Variants in ACYP2 observed in about 807,000 individuals in gnomAD.
ACYP2 encodes acylphosphatase-2.
A neutral mutation model predicts 11.2 loss-of-function variants in ACYP2; 12 were observed. The ratio of observed to expected loss-of-function variants is 1.08; its 90% CI spans 0.69 to 1.74. The LOEUF (loss-of-function observed/expected upper bound fraction) is 1.74. Ranked by LOEUF, ACYP2 falls within the 40% of genes most tolerant of loss-of-function variation. The pLI, the probability that ACYP2 is intolerant of heterozygous loss-of-function variation, is 0.00. For missense variants in ACYP2, 134 were observed against 101.9 expected (o/e 1.31, Z -1.35); for synonymous variants, 43 against 32.2 (o/e 1.33, Z -1.13).
At chr2:54,162,594 G>A (rs891906115) in intron 6 of ACYP2, among the ~76,000 whole-genome samples, 1 of 151,980 alleles carries the variant, frequency 6.6e-6, no homozygotes, top group Non-Finnish European at 1.5e-5. Flanking sequence ...CCTGGGGATG[G>A]GGCCCAACAA....
intron 4 of ACYP2, among the ~76,000 whole-genome samples, chr2:54,131,570 T>C (rs1325572849): frequency 6.6e-6 from 1 of 152,134 alleles, no homozygotes; most frequent in Non-Finnish European, 1.5e-5. Flanking sequence ...TGCCTTTTTA[T>C]CATGCATGGT....
chr2:54,233,440 G>T (rs1305085911), intron 6 of ACYP2, among the ~76,000 whole-genome samples: 1 of 151,786 alleles, frequency 6.6e-6, no homozygotes, highest in Non-Finnish European at 1.5e-5. Flanking sequence ...GGGACTACAG[G>T]CATGAGCCAC....
At chr2:54,114,845 C>A (rs1679661430) in intron 4 of ACYP2, among the ~76,000 whole-genome samples, 2 of 152,216 alleles carry the variant, frequency 1.3e-5, no homozygotes, top group Non-Finnish European at 2.9e-5. Flanking sequence ...AATACGAGTT[C>A]AGGCTCAATT....
chr2:54,268,758 G>A (rs144950068), intron 6 of ACYP2, among the ~76,000 whole-genome samples: 9 of 152,148 alleles, frequency 5.9e-5, no homozygotes, highest in African/African-American at 2.2e-4. Context: ...GCAGTGAGCC[G>A]TGTTGGCAGC....
chr2:54,157,427 G>C (rs1682482121), intron 6 of ACYP2, among the ~76,000 whole-genome samples: 2 of 152,078 alleles, frequency 1.3e-5, no homozygotes, highest in African/African-American at 4.8e-5. Context: ...CAGATTTATA[G>C]ACAAATTATA....
rs1675095209 is a variant in ACYP2, at chr2:54,039,300, T to C, written c.63-11658T>C. 2.0e-5 allele frequency among the ~76,000 whole-genome samples: 3 copies of C among 151,790 alleles called. No homozygotes were observed. The South Asian group carries it at 6.3e-4, about 32-fold the overall frequency. ...TTCTCTTTTTTTCTTTTTCCTTTTT[T>C]TTGGCGGGGGGGGACAGGGTCCCAC... is the stretch of plus-strand genomic sequence containing the variant. On this transcript the variant is annotated intron_variant, in intron 2 of 6. Transcript: ENST00000607452.
At chr2:54,265,566 T>A (rs1687979305) in intron 6 of ACYP2, among the ~76,000 whole-genome samples, 1 of 152,202 alleles carries the variant, frequency 6.6e-6, no homozygotes, top group South Asian at 2.1e-4. Context: ...AGGGGAAGAA[T>A]GCAGGGTGTG....
At chr2:54,173,401 C>G (rs1436594503) in intron 6 of ACYP2, among the ~76,000 whole-genome samples, 2 of 151,910 alleles carry the variant, frequency 1.3e-5, no homozygotes, top group African/African-American at 4.8e-5. Flanking sequence ...TTGTTTTTTT[C>G]TTGTAAATTT....
intron 6 of ACYP2, among the ~76,000 whole-genome samples, chr2:54,189,329 C>A (rs901549100): frequency 6.6e-6 from 1 of 152,072 alleles, no homozygotes; most frequent in Non-Finnish European, 1.5e-5. Flanking sequence ...TGTTTCCTCC[C>A]CCTCACCCTC....
intron 6 of ACYP2, among the ~76,000 whole-genome samples, chr2:54,273,601 A>T (rs1017771219): frequency 6.6e-6 from 1 of 152,104 alleles, no homozygotes; most frequent in Non-Finnish European, 1.5e-5. Context: ...ATTAGCTAAG[A>T]TTACAGGTGC....
Position 54,051,345 on chromosome 2 carries a change from A to C in ACYP2, c.155+295A>C, listed in dbSNP as rs1675855552. On this transcript the variant is annotated intron_variant, in intron 3 of 6. Transcript: ENST00000607452. Reference sequence around the variant, plus strand: ...TTCTCAGAGTTTTTAAGAAGTGCTCAGAGAGGTGGAAGACCATGTCTGCTA... The same window carrying C: ...TTCTCAGAGTTTTTAAGAAGTGCTCCGAGAGGTGGAAGACCATGTCTGCTA... 3 of 762,992 alleles carry C rather than the reference A, an allele frequency of 3.9e-6. No homozygotes were observed. In the East Asian group the frequency reaches 7.3e-5, roughly 19 times the overall value. 47.3% of individuals were successfully genotyped at this position (762,992 alleles called of 1,614,324 possible).
chr2:54,202,835 C>A (rs1684911360), intron 6 of ACYP2, among the ~76,000 whole-genome samples: 1 of 147,072 alleles, frequency 6.8e-6, no homozygotes, highest in Non-Finnish European at 1.5e-5. Context: ...CAGGTGAACA[C>A]CACTGTGCCT....
chr2:54,274,625 CAAAAAAAAAAAA>C (rs70944155), intron 6 of ACYP2, among the ~76,000 whole-genome samples: 10 of 37,688 alleles, frequency 2.7e-4, no homozygotes, highest in Admixed American at 9.1e-4. Flanking sequence ...GACTCCATCT[CAAAAAAAAAAAA>C]AAAAAAAAAA....
intron 2 of ACYP2, among the ~76,000 whole-genome samples, chr2:54,009,840 A>G (rs2104535451): frequency 6.6e-6 from 1 of 152,320 alleles, no homozygotes; most frequent in Non-Finnish European, 1.5e-5. Flanking sequence ...CTAGGTTTAT[A>G]TGAATTATCT....
chr2:54,192,906 C>T (rs77204626), intron 6 of ACYP2, among the ~76,000 whole-genome samples: 1,976 of 152,234 alleles, frequency 0.013, 46 homozygotes, highest in African/African-American at 0.044. Context: ...TGGAGAACAG[C>T]ATGGGGGAAA....
In ACYP2 at chr2:54,204,958, C is replaced by G. The variant is rs544499577; in HGVS notation, c.404+66210C>G. Among the ~76,000 whole-genome samples, 8 of 152,194 alleles carry G rather than the reference C, an allele frequency of 5.3e-5. No individual in the cohort carries two copies. In the East Asian group the frequency reaches 1.5e-3, roughly 29 times the overall value. On this transcript the variant is annotated intron_variant, in intron 6 of 6. Transcript: ENST00000607452. The stretch of plus-strand genomic sequence containing the variant: ...TTTACATCCTTTTGGAACTTAAGCC[C>G]CAGAGTTCATGTTTCTCATAGGCAC...
chr2:54,013,330 C>G (rs1164546995), intron 2 of ACYP2, among the ~76,000 whole-genome samples: 1 of 146,900 alleles, frequency 6.8e-6, no homozygotes, highest in Non-Finnish European at 1.5e-5. Context: ...GAGACAGAGT[C>G]TTGCTCTGTT....
At chr2:54,074,920 C>T (rs746506265) in intron 4 of ACYP2, among the ~76,000 whole-genome samples, 63 of 152,158 alleles carry the variant, frequency 4.1e-4, no homozygotes, top group Non-Finnish European at 7.3e-4. Context: ...AAGTCGTAAT[C>T]TCACCCAAAA....
At chr2:54,140,543 C>T (rs1189578359) in intron 6 of ACYP2, among the ~76,000 whole-genome samples, 1 of 151,790 alleles carries the variant, frequency 6.6e-6, no homozygotes, top group Admixed American at 6.6e-5. Flanking sequence ...CACACACACA[C>T]ACACACTTGC....
Sources: gnomAD v4.1 joint callset for allele counts (sites outside exome capture counted in the v4.1 genomes callset) on GRCh38, gnomAD v4.1.1 for gene constraint, MANE v1.5 for transcripts, NCBI Gene and HGNC (gene_info 2026-07-23, HGNC 2026-07-21) for gene names.